SLC35F5: variants seen among roughly 807,000 people sequenced by gnomAD.
SLC35F5 encodes HCV NS5A-transactivated protein 3.
A neutral mutation model predicts 68.6 loss-of-function variants in SLC35F5; 54 were observed. The observed-to-expected ratio is 0.79, with a 90% CI of 0.63 to 0.99. The LOEUF is 0.99. SLC35F5 is among the 50% of genes least tolerant of loss of function. SLC35F5 has a pLI of 0.00. For missense variants in SLC35F5, 567 were observed against 626.9 expected, an observed-to-expected ratio of 0.90 and a Z score of 1.02; for synonymous variants, 211 against 205.2, an observed-to-expected ratio of 1.03 and a Z score of -0.24.
chr2:113,711,500 G>A lies in SLC35F5; in HGVS notation c.*3718C>T, dbSNP rs1369820381. On this transcript the variant is annotated 3_prime_UTR_variant, in exon 16 of 16. Transcript: ENST00000245680. The stretch of plus-strand genomic sequence containing the variant: ...ATTATTAGTTATTGTACAGGCAAAT[G>A]AGGCTGTTACTATAAAAAAAATGTG... 6.8e-6 allele frequency among the ~76,000 whole-genome samples: 1 copy of A among 147,846 alleles called. No homozygotes were observed. Among genetic ancestry groups the A allele is most frequent in the African/African-American group, 2.5e-5 (1 of 40,666 alleles).
chr2:113,718,914 A>G (rs2044687), intron 14 of SLC35F5, among the ~76,000 whole-genome samples: 38 of 55,654 alleles, frequency 6.8e-4, no homozygotes, highest in African/African-American at 1.5e-3. Flanking sequence ...AGAAAGAAAG[A>G]AAGAAAGAAA....
At chr2:113,720,657 A>G (rs1455627672) in intron 13 of SLC35F5, among the ~76,000 whole-genome samples, 2 of 152,232 alleles carry the variant, frequency 1.3e-5, no homozygotes, top group African/African-American at 4.8e-5. Flanking sequence ...AATGACTAAT[A>G]ATCAGGAAAA....
chr2:113,715,454 T>C (rs1048397916), intron 15 of SLC35F5, among the ~76,000 whole-genome samples: 1 of 152,120 alleles, frequency 6.6e-6, no homozygotes, highest in Non-Finnish European at 1.5e-5. Flanking sequence ...CCACCATTAC[T>C]CCTGCAAAGA....
At chr2:113,727,810 A>G (rs372569428) in intron 11 of SLC35F5, among the ~76,000 whole-genome samples, 1 of 152,198 alleles carries the variant, frequency 6.6e-6, no homozygotes, top group South Asian at 2.1e-4. Flanking sequence ...CACAAGCCAC[A>G]TGTCTATATG....
chr2:113,704,523 C>G (rs565567491), downstream of SLC35F5, among the ~76,000 whole-genome samples: 511 of 152,320 alleles, frequency 3.4e-3, 2 homozygotes, highest in Non-Finnish European at 3.7e-3. Flanking sequence ...TCAGGCATGG[C>G]GGGCTGCAGG....
chr2:113,755,796 AAC>A (rs1326356070), intron 1 of SLC35F5: 1 of 1,490,636 alleles, frequency 6.7e-7, no homozygotes, highest in Non-Finnish European at 9.2e-7. Context: ...CACATTTAAG[AAC>A]AGTTAACTAC....
At chr2:113,742,497 T>A in intron 7 of SLC35F5, 195 bp downstream of exon 7, 1 of 599,220 alleles carries the variant, frequency 1.7e-6, no homozygotes, top group South Asian at 2.1e-5. Context: ...ACTTAATGAA[T>A]TCTAACTCTT....
At chr2:113,717,656 G>A (rs528935668) in intron 15 of SLC35F5, 97 bp downstream of exon 15, 41 of 796,698 alleles carry the variant, frequency 5.1e-5, no homozygotes, top group Non-Finnish European at 7.8e-5. Context: ...CTCTAAGGCT[G>A]TATTGCCTCT....
chr2:113,704,538 G>A (rs376213964), downstream of SLC35F5, among the ~76,000 whole-genome samples: 270 of 152,192 alleles, frequency 1.8e-3, 1 homozygote, highest in African/African-American at 6.1e-3. Context: ...TGCAGGTCCC[G>A]AGCCCTGCCC....
At chr2:113,738,408 T>C (rs770695996) in intron 7 of SLC35F5, among the ~76,000 whole-genome samples, 2 of 152,150 alleles carry the variant, frequency 1.3e-5, no homozygotes, top group Non-Finnish European at 2.9e-5. Context: ...TTGTCCATGT[T>C]GTTGCAAATG....
chr2:113,737,189 T>C (rs1407032849), intron 7 of SLC35F5, among the ~76,000 whole-genome samples: 1 of 152,216 alleles, frequency 6.6e-6, no homozygotes, highest in Non-Finnish European at 1.5e-5. Context: ...TCAGAGCTTG[T>C]GGCTGAGTAG....
chr2:113,730,545 T>C (rs565587470), intron 10 of SLC35F5, among the ~76,000 whole-genome samples: 5 of 152,248 alleles, frequency 3.3e-5, no homozygotes, highest in Admixed American at 6.5e-5. Context: ...TTAGAAAGCA[T>C]TGTTCTATTC....
At chr2:113,731,780 C>A in intron 9 of SLC35F5, 132 bp from the exon 10 acceptor site, 1 of 644,200 alleles carries the variant, frequency 1.6e-6, no homozygotes, top group Non-Finnish European at 2.7e-6. Flanking sequence ...TTAGCAATTT[C>A]AATAATAACA....
At chr2:113,722,956 T>C (rs1352047312) in intron 13 of SLC35F5, 148 bp downstream of exon 13, 1 of 462,776 alleles carries the variant, frequency 2.2e-6, no homozygotes, top group East Asian at 3.6e-5. Flanking sequence ...GTACTTTCTA[T>C]ATTTCTATGT....
rs1051220019 is a variant in SLC35F5, at chr2:113,713,839, C to G, written c.*1379G>C. ...AAAGGTAATATAATATAGAAGTTCTCAGAATGAAACAAAAGGAAGGCTAAA... is the reference window on the plus strand; with the variant it reads ...AAAGGTAATATAATATAGAAGTTCTGAGAATGAAACAAAAGGAAGGCTAAA... On this transcript the variant is annotated 3_prime_UTR_variant, in exon 16 of 16. Coordinates refer to ENST00000245680, the MANE Select transcript of SLC35F5 (RefSeq NM_025181.5). 3 of 150,410 alleles carry G rather than the reference C, an allele frequency of 2.0e-5. No homozygotes were observed. The highest frequency in any genetic ancestry group is 7.3e-5 in the African/African-American group (3 of 40,854). The allele number at this position is 150,410 out of a possible 1,614,324, so 9.3% of individuals were successfully genotyped here.
chr2:113,742,908 A>C (rs752774477), intron 6 of SLC35F5, 29 bp from the exon 7 acceptor site: 1 of 1,576,996 alleles, frequency 6.3e-7, no homozygotes, highest in East Asian at 2.2e-5. Context: ...ATATGAAATA[A>C]TTAAATAATT....
At position 113,711,332 on chromosome 2, in the gene SLC35F5, T is replaced by C. The variant is rs970844248; in HGVS notation, c.*3886A>G. Among the ~76,000 whole-genome samples, 2 of 152,194 alleles carry C rather than the reference T, an allele frequency of 1.3e-5. No individual in the cohort carries two copies. Among genetic ancestry groups the C allele is most frequent in the African/African-American group, 2.4e-5 (1 of 41,454 alleles). ...GTTTGACATTTTCATAGTTAACGTA[T>C]ACTGAATACAGAAAATTTTGTAGGA... On this transcript the variant is annotated 3_prime_UTR_variant, in exon 16 of 16. Coordinates refer to ENST00000245680, the MANE Select transcript of SLC35F5 (RefSeq NM_025181.5).
At chr2:113,750,399 A>G in intron 4 of SLC35F5, 26 bp downstream of exon 4, 1 of 1,567,392 alleles carries the variant, frequency 6.4e-7, no homozygotes, top group Non-Finnish European at 8.6e-7. Flanking sequence ...CCCCTTCCTA[A>G]CAGACAGTTA....
chr2:113,750,313 T>A, intron 4 of SLC35F5, 112 bp downstream of exon 4: 2 of 1,071,026 alleles, frequency 1.9e-6, no homozygotes, highest in Non-Finnish European at 2.6e-6. Flanking sequence ...TTCACTCACT[T>A]AACTGAACAA....
Sources: allele counts gnomAD v4.1 joint callset (sites outside exome capture counted in the v4.1 genomes callset), GRCh38; gene constraint gnomAD v4.1.1; transcripts MANE v1.5; gene names NCBI Gene and HGNC (gene_info 2026-07-23, HGNC 2026-07-21).